Variants in ROBO2 observed in about 807,000 individuals in gnomAD.
ROBO2 encodes roundabout guidance receptor 2.
In ROBO2, 53 loss-of-function variants were observed where a neutral mutation model predicts 160.8. That is an observed-to-expected ratio of 0.33 (90% confidence interval 0.26 to 0.41). The LOEUF is 0.41. ROBO2 is among the 10% of genes least tolerant of loss of function. The pLI, the probability that ROBO2 is intolerant of heterozygous loss-of-function variation, is 1.00. For synonymous variants in ROBO2, 664 were observed against 611.7 expected, an observed-to-expected ratio of 1.09 and a Z score of -1.26; for missense variants, 1,577 against 1,722.4, an observed-to-expected ratio of 0.92 and a Z score of 1.49.
At chr3:76,053,250 A>T (rs1248144350) in intron 2 of ROBO2, among the ~76,000 whole-genome samples, 2 of 151,996 alleles carry the variant, frequency 1.3e-5, no homozygotes, top group Non-Finnish European at 2.9e-5. Flanking sequence ...AAGTCTGTTG[A>T]CTTAGTTCTT....
intron 2 of ROBO2, among the ~76,000 whole-genome samples, chr3:77,358,037 G>A (rs1409529843): frequency 6.6e-6 from 1 of 152,134 alleles, no homozygotes; most frequent in Non-Finnish European, 1.5e-5. Context: ...ATGCTAAAGG[G>A]TACACAGGTT....
At chr3:76,890,302 G>A (rs960477328) in intron 2 of ROBO2, among the ~76,000 whole-genome samples, 4 of 152,134 alleles carry the variant, frequency 2.6e-5, no homozygotes, top group African/African-American at 9.7e-5. Context: ...AGGCTAAGAA[G>A]AATGAAATCA....
chr3:77,522,528 C>T (rs1006148214), intron 5 of ROBO2, among the ~76,000 whole-genome samples: 6 of 150,804 alleles, frequency 4.0e-5, no homozygotes, highest in Admixed American at 6.6e-5. Flanking sequence ...TTGATAGTTG[C>T]GAAGTGGAAA....
intron 2 of ROBO2, among the ~76,000 whole-genome samples, chr3:76,898,208 GTTTAT>G (rs1472258115): frequency 1.3e-5 from 2 of 151,920 alleles, no homozygotes; most frequent in East Asian, 1.9e-4. Flanking sequence ...TTCCATAAAA[GTTTAT>G]TTTATTTATT....
chr3:76,462,254 G>A (rs1167217486), intron 2 of ROBO2, among the ~76,000 whole-genome samples: 2 of 152,022 alleles, frequency 1.3e-5, no homozygotes, highest in Non-Finnish European at 2.9e-5. Context: ...TGATAAAATT[G>A]TACATTCAGG....
At chr3:76,780,221 G>A (rs1222726481) in intron 2 of ROBO2, among the ~76,000 whole-genome samples, 1 of 149,574 alleles carries the variant, frequency 6.7e-6, no homozygotes, top group Admixed American at 6.7e-5. Flanking sequence ...TTTTTTTGGA[G>A]AGCTGTCTAT....
intron 1 of ROBO2, among the ~76,000 whole-genome samples, chr3:77,069,618 G>A (rs1432336992): frequency 6.6e-6 from 1 of 152,174 alleles, no homozygotes; most frequent in Admixed American, 6.5e-5. Context: ...ATCTGGTGGT[G>A]GTTAGATTGA....
chr3:77,615,869 C>T (rs1404464372), intron 21 of ROBO2, among the ~76,000 whole-genome samples: 2 of 152,074 alleles, frequency 1.3e-5, no homozygotes, highest in Non-Finnish European at 2.9e-5. Context: ...TGAAAATATT[C>T]AAGAATCATC....
intron 2 of ROBO2, among the ~76,000 whole-genome samples, chr3:76,689,531 G>T (rs531687904): frequency 6.6e-6 from 1 of 151,924 alleles, no homozygotes. Flanking sequence ...ATAAATTATT[G>T]TTAATTATAA....
At chr3:77,590,927 C>T (rs927262606) in intron 17 of ROBO2, among the ~76,000 whole-genome samples, 2 of 152,010 alleles carry the variant, frequency 1.3e-5, no homozygotes, top group African/African-American at 2.4e-5. Context: ...TGCTTGTAGA[C>T]GAACTGCTAA....
chr3:76,154,309 A>G (rs2072320738), intron 2 of ROBO2, among the ~76,000 whole-genome samples: 1 of 152,150 alleles, frequency 6.6e-6, no homozygotes, highest in African/African-American at 2.4e-5. Context: ...TTGAGTCATC[A>G]GGATAAAACT....
At chr3:76,091,306 G>C (rs2069223457) in intron 2 of ROBO2, among the ~76,000 whole-genome samples, 1 of 152,102 alleles carries the variant, frequency 6.6e-6, no homozygotes, top group Non-Finnish European at 1.5e-5. Flanking sequence ...AAGATATAAA[G>C]ACGGAACATA....
rs115728203 is a variant in ROBO2 at position 77,194,736 on chromosome 3, G to T, written c.388+96396G>T. Among the ~76,000 whole-genome samples, 612 of 152,140 alleles carry T rather than the reference G, an allele frequency of 4.0e-3. 3 individuals are homozygous for T. The highest frequency in any genetic ancestry group is 0.014 in the African/African-American group (570 of 41,520). On this transcript the variant is annotated intron_variant, in intron 2 of 25. Coordinates refer to ENST00000461745, the Ensembl canonical transcript of ROBO2. The stretch of plus-strand genomic sequence containing the variant: ...GACCTGTTTTATTGTTTAAAACTTT[G>T]CCTGAAATGATTGATTTTTGGCCAT...
In ROBO2 at chr3:76,565,326, A is replaced by G. The variant is rs74530712; in HGVS notation, c.110-532688A>G. On this transcript the variant is annotated intron_variant, in intron 2 of 26. Transcript: ENST00000487694. The stretch of plus-strand genomic sequence containing the variant: ...ATAACTTTACCTCAATAGAAATAGC[A>G]TAATGTGAAAATATTTAACATTACT... 3.7e-3 allele frequency among the ~76,000 whole-genome samples: 558 copies of G among 152,332 alleles called. 5 individuals are homozygous for G. The highest frequency in any genetic ancestry group is 0.013 in the African/African-American group (537 of 41,584).
intron 2 of ROBO2, among the ~76,000 whole-genome samples, chr3:77,434,402 T>C (rs1195525273): frequency 1.3e-5 from 2 of 152,094 alleles, no homozygotes; most frequent in Non-Finnish European, 2.9e-5. Flanking sequence ...CTCACCAGAA[T>C]GGAATCTCTA....
upstream of ROBO2, among the ~76,000 whole-genome samples, chr3:77,037,638 A>G (rs533785447): frequency 3.9e-5 from 6 of 152,146 alleles, no homozygotes; most frequent in Admixed American, 6.5e-5. Flanking sequence ...ATCTCGCCCA[A>G]TCTATCCCTT....
At position 76,434,400 on chromosome 3, in the gene ROBO2, A is replaced by G. The variant is rs879139841; in HGVS notation, c.109+496798A>G. ...TTGTTTAATCACCTGTCAGCTGTCA[A>G]CGAAAGTATCCAGGCCCTGGGCTGG... is the stretch of plus-strand genomic sequence containing the variant. On this transcript the variant is annotated intron_variant, in intron 2 of 26. Coordinates refer to the ROBO2 transcript ENST00000487694. 3.8e-6 allele frequency: 6 copies of G among 1,563,020 alleles called. No homozygotes were observed. In the East Asian group the frequency reaches 1.3e-4, roughly 35 times the overall value.
intron 2 of ROBO2, among the ~76,000 whole-genome samples, chr3:76,571,522 G>T (rs752480070): frequency 9.5e-4 from 144 of 152,156 alleles, no homozygotes; most frequent in African/African-American, 2.9e-3. Context: ...TTATCAAAGT[G>T]TAAAACTCCA....
chr3:76,632,043 G>A (rs573822189), intron 2 of ROBO2, among the ~76,000 whole-genome samples: 1 of 152,276 alleles, frequency 6.6e-6, no homozygotes, highest in African/African-American at 2.4e-5. Flanking sequence ...TCATTTATTT[G>A]ACACATCCTA....
Sources: gnomAD v4.1 joint callset for allele counts (sites outside exome capture counted in the v4.1 genomes callset) on GRCh38, gnomAD v4.1.1 for gene constraint, MANE v1.5 for transcripts, NCBI Gene and HGNC (gene_info 2026-07-23, HGNC 2026-07-21) for gene names.